Variants in LAMB1 observed in about 807,000 individuals in gnomAD.
The protein encoded by LAMB1 is laminin subunit beta 1, also known as laminin subunit beta-1.
Under a neutral mutation model 222.3 loss-of-function variants are expected in LAMB1, and 121 were observed. The observed-to-expected ratio is 0.54, with a 90% CI of 0.47 to 0.63. LAMB1 has a LOEUF of 0.63. Among genes scored for constraint, LAMB1 ranks in the 30% least tolerant of loss-of-function variants. The pLI is 0.00. For synonymous variants in LAMB1, 794 were observed against 807.2 expected, an observed-to-expected ratio of 0.98 and a Z score of 0.28; for missense variants, 2,172 against 2,240.8, an observed-to-expected ratio of 0.97 and a Z score of 0.62.
chr7:107,924,175 A>G (rs1174444043), intron 33 of LAMB1, 55 bp downstream of exon 33: 11 of 1,549,694 alleles, frequency 7.1e-6, no homozygotes, highest in Non-Finnish European at 7.8e-6. Flanking sequence ...ACTTTTAAAT[A>G]AACTATGGAT....
At chr7:108,002,423 A>G (rs1445791787) in intron 2 of LAMB1, 1 of 1,315,314 alleles carries the variant, frequency 7.6e-7, no homozygotes, top group Non-Finnish European at 1.0e-6. Flanking sequence ...GGTTAATTAA[A>G]GCCACATGGC....
intron 2 of LAMB1, 121 bp from the exon 3 acceptor site, chr7:108,001,854 C>T: frequency 2.0e-6 from 3 of 1,506,338 alleles, no homozygotes; most frequent in Non-Finnish European, 2.7e-6. Flanking sequence ...CGGAAGAAAG[C>T]AAAATGCACA....
rs1173727171 is a variant in LAMB1 at position 107,929,186 on chromosome 7, T to C, written c.4765A>G (p.Lys1589Glu). ...KRASKSATDV[K>E]VTADMVKEAL... is the part of the protein sequence containing the mutation. ...TCCTTTACCATATCTGCAGTGACTT[T>C]AACATCTGTTGCACTTTTGCTGAGT... Residue 1589 changes from lysine (K) to glutamate (E), a missense_variant, in exon 31 of 34, where the codon AAA becomes GAA. Physicochemically the swap from Lys to Glu is moderately conservative, Grantham distance 56. Coordinates refer to ENST00000222399, the MANE Select transcript of LAMB1 (RefSeq NM_002291.3). The C allele has an allele frequency of 1.9e-6, 3 of 1,614,082 alleles. No homozygotes were observed. In the East Asian group the frequency reaches 6.7e-5, roughly 36 times the overall value.
At chr7:107,993,831 G>T (rs914297170) in intron 5 of LAMB1, among the ~76,000 whole-genome samples, 1 of 152,154 alleles carries the variant, frequency 6.6e-6, no homozygotes, top group Non-Finnish European at 1.5e-5. Context: ...CTCAATACCA[G>T]GTGTCACAGT....
At chr7:107,997,892 T>C (rs1035905781) in intron 4 of LAMB1, among the ~76,000 whole-genome samples, 7 of 152,158 alleles carry the variant, frequency 4.6e-5, no homozygotes, top group Non-Finnish European at 8.8e-5. Context: ...AAATTACATC[T>C]TGCTGCTTAT....
In LAMB1 at chr7:107,975,034, G is replaced by A. The variant is rs757685898; in HGVS notation, c.1434C>T (p.His478=). 1.2e-6 allele frequency: 2 copies of A among 1,613,280 alleles called. No homozygotes were observed. The highest frequency in any genetic ancestry group is 1.1e-5 in the South Asian group (1 of 91,066). The change falls in exon 12 of 34, where the codon CAC becomes CAT. Residue 478 remains histidine, a synonymous_variant. Transcript: ENST00000222399. ...GGNPCDSETG[H]CYCKRLVTGQ... is the part of the protein sequence containing the mutation. ...CTGTCACCAGACGCTTGCAGTAGCA[G>A]TGACCTGTCTCGGAATCACAAGGAT...
chr7:107,980,948 A>G (rs1335262984), intron 7 of LAMB1, 137 bp from the exon 8 acceptor site: 4 of 605,198 alleles, frequency 6.6e-6, no homozygotes, highest in Non-Finnish European at 1.2e-5. Flanking sequence ...TATGATCTAG[A>G]TGACTCCAAT....
chr7:107,962,981 C>T lies in LAMB1; in HGVS notation c.1781G>A (p.Gly594Glu). The T allele has an allele frequency of 6.2e-7, 1 of 1,613,986 alleles. No individual in the cohort carries two copies. Among genetic ancestry groups the T allele is most frequent in the Non-Finnish European group, 8.5e-7 (1 of 1,179,958 alleles). The change falls in exon 15 of 34, where the codon GGG becomes GAG. Residue 594 changes from glycine (G) to glutamate (E), a missense_variant. Physicochemically the swap from Gly to Glu is moderately conservative, Grantham distance 98. Coordinates refer to ENST00000222399, the MANE Select transcript of LAMB1 (RefSeq NM_002291.3). The part of the protein sequence containing the change: ...TGAGFVRVPE[G>E]AYLEFFIDNI... The stretch of plus-strand genomic sequence containing the variant: ...GTCAATGAAAAACTCCAAATAAGCC[C>T]CTTCAGGCACTCGGACGAAGCCGGC...
chr7:107,998,797 AT>A (rs1475194840), intron 3 of LAMB1, among the ~76,000 whole-genome samples: 1 of 152,260 alleles, frequency 6.6e-6, no homozygotes. Flanking sequence ...CTTAATCTCA[AT>A]AAACAGCTAG....
Position 107,932,297 on chromosome 7 carries a change from C to T in LAMB1, c.4269G>A (p.Arg1423=), listed in dbSNP as rs1257980490. The change falls in exon 28 of 34, where the codon AGG becomes AGA. Residue 1423 remains arginine, a synonymous_variant. Transcript: ENST00000222399. ...GPNCRTDEGE[R]KCGGPGCGGL... is the part of the protein sequence containing the mutation. ...CACCACAGCCAGGCCCCCCACACTT[C>T]CTCTCTCCTTCGTCAGTTCTGCAGT... 6.2e-7 allele frequency: 1 copy of T among 1,614,090 alleles called. No homozygotes were observed. The highest frequency in any genetic ancestry group is 8.5e-7 in the Non-Finnish European group (1 of 1,180,044).
chr7:107,976,400 G>T (rs544519692), intron 9 of LAMB1, among the ~76,000 whole-genome samples: 168 of 152,298 alleles, frequency 1.1e-3, no homozygotes, highest in Non-Finnish European at 1.9e-3. Context: ...AGGAAGGTAG[G>T]TCTGTTTAAC....
intron 24 of LAMB1, among the ~76,000 whole-genome samples, chr7:107,948,045 C>T (rs1469221762): frequency 2.1e-5 from 3 of 145,666 alleles, no homozygotes; most frequent in Admixed American, 1.4e-4. Flanking sequence ...GGCAGTGGCA[C>T]GATCTCTGCT....
chr7:107,932,698 A>G (rs2032742964), intron 27 of LAMB1: 2 of 332,326 alleles, frequency 6.0e-6, no homozygotes, highest in African/African-American at 4.1e-5. Context: ...AGGGCCAAGG[A>G]ATGCCTTCCT....
chr7:107,985,978 C>G, intron 7 of LAMB1, 44 bp downstream of exon 7: 1 of 1,456,802 alleles, frequency 6.9e-7, no homozygotes, highest in Non-Finnish European at 9.6e-7. Flanking sequence ...ACAAAACAAA[C>G]AAACAAACTA....
At chr7:107,952,276 T>C (rs1562985853) in intron 22 of LAMB1, 53 bp from the exon 23 acceptor site, 2 of 1,366,280 alleles carry the variant, frequency 1.5e-6, no homozygotes, top group Non-Finnish European at 2.0e-6. Flanking sequence ...TACACAGGCA[T>C]GCGGATGTTA....
Position 107,955,558 on chromosome 7 carries a change from A to C in LAMB1, c.2763T>G (p.Asp921Glu). The stretch of plus-strand genomic sequence containing the variant: ...CAAACTGGCGTCCACTGTCGGGACC[A>C]TCTGGGCAAGGGCAAGGGCGGCAGT... Reference protein sequence around the residue: ...GDHCRPCPCPDGPDSGRQFAR... With the variant: ...GDHCRPCPCPEGPDSGRQFAR... Residue 921 changes from aspartate (D) to glutamate (E), a missense_variant, in exon 21 of 34, where the codon GAT becomes GAG. Asp to Glu is a conservative substitution (Grantham distance 45, BLOSUM62 2). Transcript: ENST00000222399. 6.2e-7 allele frequency: 1 copy of C among 1,614,134 alleles called. No individual in the cohort carries two copies. The highest frequency in any genetic ancestry group is 8.5e-7 in the Non-Finnish European group (1 of 1,180,002).
rs777102538 is a variant in LAMB1, at chr7:107,926,212, C to G, written c.5035G>C (p.Val1679Leu). The G allele has an allele frequency of 3.1e-6, 5 of 1,613,714 alleles. No individual in the cohort carries two copies. The highest frequency in any genetic ancestry group is 4.2e-6 in the Non-Finnish European group (5 of 1,179,784). The stretch of plus-strand genomic sequence containing the variant: ...TTAACATCTTCTGCACTTTGCTTCA[C>G]AGTATATACTACTTTTTCAATATAT... The part of the protein sequence containing the change: ...AEYIEKVVYT[V>L]KQSAEDVKKT... Residue 1679 changes from valine (V) to leucine (L), a missense_variant, in exon 32 of 34, where the codon GTG becomes CTG. Transcript: ENST00000222399.
In LAMB1 at chr7:107,964,615, A is replaced by G. The variant is rs1234666915; in HGVS notation, c.1635T>C (p.Pro545=). 1.2e-6 allele frequency: 2 copies of G among 1,614,056 alleles called. No individual in the cohort carries two copies. Among genetic ancestry groups the G allele is most frequent in the East Asian group, 2.2e-5 (1 of 44,888 alleles). The change falls in exon 14 of 34, where the codon CCT becomes CCC. Residue 545 remains proline, a synonymous_variant. Transcript: ENST00000222399. ...GATCCAGGGTGGCAAAGTAGTAACC[A>G]GGTTCCACTTCGTTGCACTGACGTC... ...MIGRQCNEVE[P]GYYFATLDHY... is the part of the protein sequence containing the mutation.
At chr7:107,960,360 G>C in intron 18 of LAMB1, 85 bp downstream of exon 18, 2 of 940,978 alleles carry the variant, frequency 2.1e-6, no homozygotes, top group East Asian at 2.4e-5. Context: ...ACAGGGCTAG[G>C]GGGTGGGCAC....
Sources: allele counts gnomAD v4.1 joint callset (sites outside exome capture counted in the v4.1 genomes callset), GRCh38; gene constraint gnomAD v4.1.1; transcripts MANE v1.5; gene names NCBI Gene and HGNC (gene_info 2026-07-23, HGNC 2026-07-21).